The following SLC37A3 variants were observed in gnomAD, a reference collection of about 807,000 sequenced individuals.
The protein encoded by SLC37A3 is sugar phosphate exchanger 3.
In SLC37A3, 51 loss-of-function variants were observed where a neutral mutation model predicts 67.1. That is an observed-to-expected ratio of 0.76 (90% CI 0.61 to 0.96). The LOEUF is 0.96. SLC37A3 is among the 40% of genes least tolerant of loss of function. The probability of loss-of-function intolerance (pLI) is 0.00; values close to 1 mark genes in which losing one functional copy is unlikely to be tolerated. For synonymous variants in SLC37A3, 214 were observed against 231.4 expected (o/e 0.92, Z 0.68); for missense variants, 508 against 603.0 (o/e 0.84, Z 1.65).
chr7:140,337,098 CAAAAAAAAAA>C (rs1172096190), intron 14 of SLC37A3, among the ~76,000 whole-genome samples, 176 bp downstream of exon 14: 1 of 69,660 alleles, frequency 1.4e-5, no homozygotes, highest in Non-Finnish European at 2.7e-5. Context: ...GACTCTGCCT[CAAAAAAAAAA>C]AAAAAAAAAA....
intron 13 of SLC37A3, among the ~76,000 whole-genome samples, chr7:140,339,856 C>T (rs1796288244): frequency 1.3e-5 from 2 of 151,790 alleles, no homozygotes; most frequent in African/African-American, 2.4e-5. Context: ...CCTGCCTCAG[C>T]CTCCCAAGTA....
chr7:140,395,773 T>C (rs1798900822), intron 1 of SLC37A3, among the ~76,000 whole-genome samples: 1 of 151,842 alleles, frequency 6.6e-6, no homozygotes, highest in Non-Finnish European at 1.5e-5. Context: ...ATACCAAGGA[T>C]GGGGAAAAAA....
At chr7:140,364,343 T>A in intron 5 of SLC37A3, 65 bp downstream of exon 5, 1 of 1,401,306 alleles carries the variant, frequency 7.1e-7, no homozygotes, top group Non-Finnish European at 1.0e-6. Context: ...TACAGAGAAG[T>A]AGGGAGATTA....
intron 13 of SLC37A3, among the ~76,000 whole-genome samples, chr7:140,340,422 T>C (rs1796315257): frequency 6.6e-6 from 1 of 152,128 alleles, no homozygotes; most frequent in Non-Finnish European, 1.5e-5. Context: ...CTGGCACCCT[T>C]GTCAAAAATC....
At chr7:140,387,853 TA>T (rs1798566702) in intron 1 of SLC37A3, among the ~76,000 whole-genome samples, 2 of 71,316 alleles carry the variant, frequency 2.8e-5, no homozygotes, top group African/African-American at 1.0e-4. Context: ...ATATATATAT[TA>T]GTCGGGTGTG....
At chr7:140,367,164 T>C (rs1007909904) in intron 4 of SLC37A3, among the ~76,000 whole-genome samples, 2 of 136,422 alleles carry the variant, frequency 1.5e-5, no homozygotes, top group African/African-American at 5.6e-5. Flanking sequence ...AGGCCAGGCA[T>C]GGTAGCTAAC....
chr7:140,348,219 A>G (rs1325453386), intron 10 of SLC37A3, among the ~76,000 whole-genome samples: 1 of 152,178 alleles, frequency 6.6e-6, no homozygotes, highest in African/African-American at 2.4e-5. Flanking sequence ...TGGGAGGTAG[A>G]TACAATGAAC....
intron 1 of SLC37A3, among the ~76,000 whole-genome samples, chr7:140,389,075 T>C (rs999129111): frequency 1.3e-5 from 2 of 152,176 alleles, no homozygotes; most frequent in Non-Finnish European, 2.9e-5. Flanking sequence ...TTCCTGGGCA[T>C]AGGCTGAACT....
At chr7:140,362,120 G>A (rs1169675704) in intron 5 of SLC37A3, among the ~76,000 whole-genome samples, 3 of 137,768 alleles carry the variant, frequency 2.2e-5, no homozygotes, top group Non-Finnish European at 4.8e-5. Context: ...CCTCTTCCCG[G>A]CCGCCATCCC....
At chr7:140,342,542 C>G (rs1342562391) in intron 13 of SLC37A3, among the ~76,000 whole-genome samples, 2 of 152,128 alleles carry the variant, frequency 1.3e-5, no homozygotes, top group Non-Finnish European at 2.9e-5. Flanking sequence ...CTATTTTTAT[C>G]CATACAGATG....
intron 1 of SLC37A3, among the ~76,000 whole-genome samples, chr7:140,394,694 C>T (rs1285100223): frequency 1.3e-5 from 2 of 150,640 alleles, no homozygotes; most frequent in African/African-American, 2.4e-5. Context: ...CTGCAACCTC[C>T]GCCTCCCAGG....
At chr7:140,345,614 C>T (rs569156156) in intron 11 of SLC37A3, among the ~76,000 whole-genome samples, 1 of 152,268 alleles carries the variant, frequency 6.6e-6, no homozygotes, top group South Asian at 2.1e-4. Flanking sequence ...CTCCCCCAAA[C>T]AAAGCATATA....
intron 5 of SLC37A3, among the ~76,000 whole-genome samples, chr7:140,362,939 A>G (rs1414088340): frequency 5.8e-5 from 3 of 52,148 alleles, no homozygotes; most frequent in African/African-American, 1.5e-4. Flanking sequence ...TCCGGGAGGG[A>G]GGTGGCGGGG....
rs749199198 is a variant in SLC37A3 at position 140,335,365 on chromosome 7, C to T, written c.*47G>A. 49 of 1,614,012 alleles carry T rather than the reference C, an allele frequency of 3.0e-5. No homozygotes were observed. The highest frequency in any genetic ancestry group is 1.4e-4 in the South Asian group (13 of 91,086). Reference sequence around the variant, plus strand: ...AATTAGGGCAGACTCGAAGCCCCAGCGGTCCTGATGTGGCTGACATTGTTC... The same window carrying T: ...AATTAGGGCAGACTCGAAGCCCCAGTGGTCCTGATGTGGCTGACATTGTTC... On this transcript the variant is annotated 3_prime_UTR_variant, in exon 15 of 15. Transcript: ENST00000326232.
chr7:140,344,363 G>A (rs1044650759), intron 12 of SLC37A3, among the ~76,000 whole-genome samples: 1 of 152,200 alleles, frequency 6.6e-6, no homozygotes, highest in African/African-American at 2.4e-5. Flanking sequence ...AGGAGGTGGA[G>A]GTTGCAGTTA....
intron 1 of SLC37A3, chr7:140,386,749 A>T (rs1203440891): frequency 6.6e-6 from 1 of 152,076 alleles, no homozygotes; most frequent in Non-Finnish European, 1.5e-5. Context: ...GTCATTTAGT[A>T]TTTTCTCAAT....
In SLC37A3 at chr7:140,364,003, T is replaced by G. The variant is rs553376258; in HGVS notation, c.375+405A>C. On this transcript the variant is annotated intron_variant, in intron 5 of 14. Coordinates refer to ENST00000326232, the MANE Select transcript of SLC37A3 (RefSeq NM_207113.3). ...CAGGCGCAGTGGCTCATGCCTGTAA[T>G]CCCAGCACTTTGGGAGGCCAAGGCA... Among the ~76,000 whole-genome samples, 50 of 152,302 alleles carry G rather than the reference T, an allele frequency of 3.3e-4. 1 individual carries two copies. The highest frequency in any genetic ancestry group is 2.1e-3 in the Admixed American group (32 of 15,304).
At chr7:140,365,743 T>G (rs1797571902) in intron 4 of SLC37A3, among the ~76,000 whole-genome samples, 1 of 151,804 alleles carries the variant, frequency 6.6e-6, no homozygotes, top group Admixed American at 6.6e-5. Context: ...AGAAGATAAA[T>G]TTAAATATGA....
At position 140,343,369 on chromosome 7, in the gene SLC37A3, G is replaced by A. The variant is rs371646724; in HGVS notation, c.1326+43C>T. 140 of 1,611,290 alleles carry A rather than the reference G, an allele frequency of 8.7e-5. 1 individual carries two copies. In the Middle Eastern group the frequency reaches 2.0e-3, roughly 23 times the overall value. On this transcript the variant is annotated intron_variant, in intron 13 of 14. Transcript: ENST00000326232. ...GGCAGGTTCACATTCAGCCGCCTTT[G>A]AGGGAAGACACTAGAATCCCAGCCC...
Sources: allele counts gnomAD v4.1 joint callset (sites outside exome capture counted in the v4.1 genomes callset), GRCh38; gene constraint gnomAD v4.1.1; transcripts MANE v1.5; gene names NCBI Gene and HGNC (gene_info 2026-07-23, HGNC 2026-07-21).